The following TRHDE variants were observed in gnomAD, a reference collection of about 807,000 sequenced individuals.
TRHDE encodes the protein thyrotropin releasing hormone degrading enzyme, also known as thyrotropin-releasing hormone-degrading ectoenzyme.
In TRHDE, 72 loss-of-function variants were observed where a neutral mutation model predicts 125.7. The ratio of observed to expected loss-of-function variants is 0.57; its 90% CI spans 0.47 to 0.70. TRHDE has a LOEUF of 0.70. Ranked by LOEUF, TRHDE falls within the 30% of genes least tolerant of loss-of-function variation. TRHDE has a pLI of 0.00. For missense variants in TRHDE, 1,110 were observed against 1,327.1 expected (o/e 0.84, Z 2.54); for synonymous variants, 509 against 509.1 (o/e 1.00, Z 0.00).
chr12:72,388,268 C>A (rs948335695), intron 3 of TRHDE, among the ~76,000 whole-genome samples: 22 of 152,172 alleles, frequency 1.4e-4, no homozygotes, highest in African/African-American at 4.8e-4. Flanking sequence ...GATCATTTCC[C>A]AAATCTCTTC....
chr12:72,533,229 C>CAGTG (rs1281712164), intron 6 of TRHDE, among the ~76,000 whole-genome samples: 1 of 151,980 alleles, frequency 6.6e-6, no homozygotes, highest in Non-Finnish European at 1.5e-5. Context: ...GGCTGGAACG[C>CAGTG]AGTGGCGTGA....
chr12:72,495,668 A>T (rs1409664034), intron 5 of TRHDE, among the ~76,000 whole-genome samples: 1 of 152,054 alleles, frequency 6.6e-6, no homozygotes, highest in Non-Finnish European at 1.5e-5. Flanking sequence ...GATTTCGCTG[A>T]TATATTCATT....
At chr12:72,344,209 G>A (rs955244316) in intron 2 of TRHDE, among the ~76,000 whole-genome samples, 2 of 151,992 alleles carry the variant, frequency 1.3e-5, no homozygotes, top group African/African-American at 2.4e-5. Context: ...AAATAAACTT[G>A]TAAAGCCTCA....
intron 2 of TRHDE, among the ~76,000 whole-genome samples, chr12:72,214,850 T>C (rs1383841691): frequency 6.6e-6 from 1 of 152,184 alleles, no homozygotes; most frequent in Non-Finnish European, 1.5e-5. Context: ...AAAATATTTT[T>C]TGTTTATATA....
intron 2 of TRHDE, among the ~76,000 whole-genome samples, chr12:72,298,333 T>C (rs1038297316): frequency 6.6e-6 from 1 of 152,216 alleles, no homozygotes; most frequent in East Asian, 1.9e-4. Flanking sequence ...TTATTCTTCC[T>C]GGTAGAATTT....
intron 5 of TRHDE, among the ~76,000 whole-genome samples, chr12:72,486,037 G>A (rs1878662069): frequency 6.6e-6 from 1 of 152,108 alleles, no homozygotes; most frequent in South Asian, 2.1e-4. Flanking sequence ...ACTGTGTTTT[G>A]TTGGTTCCAG....
chr12:72,494,005 C>A (rs926836154), intron 5 of TRHDE, among the ~76,000 whole-genome samples: 4 of 152,006 alleles, frequency 2.6e-5, no homozygotes, highest in Admixed American at 2.6e-4. Flanking sequence ...ATAGCCTTTG[C>A]AAGTAGGATT....
At chr12:72,623,217 T>C (rs1873123630) in intron 15 of TRHDE, among the ~76,000 whole-genome samples, 1 of 152,040 alleles carries the variant, frequency 6.6e-6, no homozygotes. Context: ...ATGAAACATA[T>C]TATGGAGAAA....
chr12:72,362,570 A>C (rs1447687750), intron 2 of TRHDE, among the ~76,000 whole-genome samples: 2 of 150,924 alleles, frequency 1.3e-5, no homozygotes, highest in Non-Finnish European at 3.0e-5. Context: ...TAGTTTAATT[A>C]GATCCCATTT....
intron 3 of TRHDE, among the ~76,000 whole-genome samples, chr12:72,452,290 T>G (rs1875617843): frequency 6.6e-6 from 1 of 152,208 alleles, no homozygotes; most frequent in East Asian, 1.9e-4. Flanking sequence ...TATATTAATT[T>G]TGTATCCTGC....
intron 2 of TRHDE, among the ~76,000 whole-genome samples, chr12:72,182,374 G>A (rs941391063): frequency 6.6e-6 from 1 of 152,164 alleles, no homozygotes; most frequent in African/African-American, 2.4e-5. Context: ...CCAGACTGTT[G>A]TTAGGGAATG....
chr12:72,579,658 A>G lies in TRHDE; in HGVS notation c.2321+4116A>G, dbSNP rs115231695. 8.4e-4 allele frequency among the ~76,000 whole-genome samples: 128 copies of G among 152,240 alleles called. 1 individual carries two copies. The highest frequency in any genetic ancestry group is 3.0e-3 in the African/African-American group (123 of 41,562). On this transcript the variant is annotated intron_variant, in intron 12 of 18. Coordinates refer to ENST00000261180, the MANE Select transcript of TRHDE (RefSeq NM_013381.3). ...TTATAGCTTTCTGGTTCTGTCTCAC[A>G]TAGGGCTTCCCTGTCTGAAGATTTT... is the stretch of plus-strand genomic sequence containing the variant.
At chr12:72,375,706 C>G (rs1425693490) in intron 2 of TRHDE, among the ~76,000 whole-genome samples, 1 of 152,136 alleles carries the variant, frequency 6.6e-6, no homozygotes, top group African/African-American at 2.4e-5. Context: ...GTATCATTAT[C>G]TGTGGTAACA....
intron 6 of TRHDE, among the ~76,000 whole-genome samples, chr12:72,511,727 A>G (rs993341708): frequency 2.0e-5 from 3 of 152,104 alleles, no homozygotes; most frequent in African/African-American, 7.2e-5. Flanking sequence ...ATTCATCATC[A>G]TTTAATGGTT....
At chr12:72,398,286 A>G (rs959141880) in intron 3 of TRHDE, among the ~76,000 whole-genome samples, 4 of 152,176 alleles carry the variant, frequency 2.6e-5, no homozygotes, top group African/African-American at 4.8e-5. Flanking sequence ...TAATGCTGCA[A>G]TAAACATACG....
intron 17 of TRHDE, among the ~76,000 whole-genome samples, chr12:72,654,481 T>G (rs1370972549): frequency 6.6e-6 from 1 of 152,160 alleles, no homozygotes; most frequent in Non-Finnish European, 1.5e-5. Context: ...AGATGCCTTC[T>G]ACTCTCATGG....
At chr12:72,630,341 G>A (rs780259170) in intron 15 of TRHDE, among the ~76,000 whole-genome samples, 2 of 151,696 alleles carry the variant, frequency 1.3e-5, no homozygotes, top group Non-Finnish European at 2.9e-5. Flanking sequence ...AGAGATACCG[G>A]GAGTAAGTCA....
At chr12:72,120,820 A>G (rs375836818) in intron 2 of TRHDE, among the ~76,000 whole-genome samples, 36 of 151,812 alleles carry the variant, frequency 2.4e-4, no homozygotes, top group African/African-American at 8.2e-4. Context: ...CTGGGACTAC[A>G]GGCGTGTGCC....
chr12:72,168,425 T>G (rs534339035), intron 2 of TRHDE, among the ~76,000 whole-genome samples: 11 of 152,232 alleles, frequency 7.2e-5, no homozygotes. Flanking sequence ...CAGAGGAGGA[T>G]AGAGGTTGTA....
Sources: gnomAD v4.1 joint callset for allele counts (sites outside exome capture counted in the v4.1 genomes callset) on GRCh38, gnomAD v4.1.1 for gene constraint, MANE v1.5 for transcripts, NCBI Gene and HGNC (gene_info 2026-07-23, HGNC 2026-07-21) for gene names.